The following STK32B variants were observed in gnomAD, a reference collection of about 807,000 sequenced individuals.
STK32B encodes serine/threonine-protein kinase 32B.
A neutral mutation model predicts 52.6 loss-of-function variants in STK32B; 43 were observed. That is an observed-to-expected ratio of 0.82 (90% CI 0.64 to 1.05). The LOEUF (loss-of-function observed/expected upper bound fraction) is 1.05. STK32B is among the 50% of genes least tolerant of loss of function. The probability of loss-of-function intolerance (pLI) is 0.00; values close to 1 mark genes in which losing one functional copy is unlikely to be tolerated. For missense variants in STK32B, 621 were observed against 534.6 expected (o/e 1.16, Z -1.59); for synonymous variants, 238 against 204.3 (o/e 1.17, Z -1.41).
intron 4 of STK32B, among the ~76,000 whole-genome samples, chr4:5,344,198 C>T (rs796927451): frequency 6.6e-6 from 1 of 152,268 alleles, no homozygotes; most frequent in Non-Finnish European, 1.5e-5. Flanking sequence ...CTATAAACAG[C>T]AACCATTTGT....
At chr4:5,032,627 T>A in the STK32B span, among the ~76,000 whole-genome samples, 1 of 152,178 alleles carries the variant, frequency 6.6e-6, no homozygotes, top group East Asian at 1.9e-4. Context: ...TGAAAAAAAA[T>A]TTTATTGTAG....
chr4:5,325,990 G>T (rs971014330), intron 3 of STK32B, among the ~76,000 whole-genome samples: 8 of 152,178 alleles, frequency 5.3e-5, no homozygotes, highest in African/African-American at 1.7e-4. Flanking sequence ...GAAGAATGTG[G>T]ATCTGCAGCA....
intron 3 of STK32B, among the ~76,000 whole-genome samples, chr4:5,306,969 A>G (rs987778913): frequency 6.6e-6 from 1 of 152,108 alleles, no homozygotes. Context: ...TAGGACCCCA[A>G]TCCCTTCTAG....
At chr4:5,107,491 T>C (rs1714170823) in intron 1 of STK32B, among the ~76,000 whole-genome samples, 2 of 152,150 alleles carry the variant, frequency 1.3e-5, no homozygotes, top group Admixed American at 1.3e-4. Flanking sequence ...AAGGGATTGA[T>C]CAGGGAGTTA....
At chr4:5,177,262 G>T (rs1424161205) in intron 3 of STK32B, among the ~76,000 whole-genome samples, 1 of 152,156 alleles carries the variant, frequency 6.6e-6, no homozygotes, top group African/African-American at 2.4e-5. Context: ...CTTCTTCACA[G>T]GGCAGCAGGA....
chr4:5,302,848 A>G (rs997417306), intron 3 of STK32B, among the ~76,000 whole-genome samples: 4 of 151,914 alleles, frequency 2.6e-5, no homozygotes, highest in East Asian at 1.9e-4. Flanking sequence ...GTGAGAACCT[A>G]TGAAGTTTGG....
At chr4:5,389,089 G>A (rs1324909610) in intron 4 of STK32B, among the ~76,000 whole-genome samples, 1 of 152,234 alleles carries the variant, frequency 6.6e-6, no homozygotes, top group Admixed American at 6.5e-5. Flanking sequence ...TTGAGTAGCA[G>A]CATGGGGTTT....
intron 5 of STK32B, among the ~76,000 whole-genome samples, chr4:5,413,841 C>T (rs1711920915): frequency 6.6e-6 from 1 of 152,198 alleles, no homozygotes; most frequent in Middle Eastern, 3.2e-3. Flanking sequence ...AACAAAACCA[C>T]TGATAACAAC....
At chr4:5,028,392 C>T in the STK32B span, among the ~76,000 whole-genome samples, 3 of 152,200 alleles carry the variant, frequency 2.0e-5, no homozygotes, top group African/African-American at 4.8e-5. Flanking sequence ...TTCTTTCTCT[C>T]CTGGTCCCAG....
rs1488851087 is a variant in STK32B, at chr4:5,378,606, T to A, written c.435-19601T>A. Among the ~76,000 whole-genome samples the A allele has an allele frequency of 6.6e-6, 1 of 152,158 alleles. No individual in the cohort carries two copies. Among genetic ancestry groups the A allele is most frequent in the Non-Finnish European group, 1.5e-5 (1 of 68,014 alleles). ...TCTCCACTGGTTTGGAAGCCCTTTT[T>A]TTCTAATTTTTATGGGTACATAGTA... On this transcript the variant is annotated intron_variant, in intron 4 of 11. Transcript: ENST00000282908. This position sits in a 1 kb window ranked among gnomAD's most constrained non-coding sequence, Gnocchi z 4.4.
chr4:5,242,702 T>G (rs1560252669), intron 3 of STK32B, among the ~76,000 whole-genome samples: 1 of 152,220 alleles, frequency 6.6e-6, no homozygotes, highest in Non-Finnish European at 1.5e-5. Flanking sequence ...AGGGTTTTTA[T>G]GGTTTTAGGT....
At chr4:5,372,669 G>A (rs1735325522) in intron 4 of STK32B, among the ~76,000 whole-genome samples, 1 of 147,318 alleles carries the variant, frequency 6.8e-6, no homozygotes. Flanking sequence ...TATCATTACA[G>A]TAATAACTGC....
intron 4 of STK32B, among the ~76,000 whole-genome samples, chr4:5,376,463 C>T (rs1278648990): frequency 6.6e-6 from 1 of 151,812 alleles, no homozygotes; most frequent in Non-Finnish European, 1.5e-5. Flanking sequence ...TTGGCCTAGG[C>T]GTCCACCTGC....
chr4:5,067,375 A>G (rs1742463900), intron 1 of STK32B, among the ~76,000 whole-genome samples: 1 of 152,052 alleles, frequency 6.6e-6, no homozygotes, highest in South Asian at 2.1e-4. Flanking sequence ...CCCCCACAAG[A>G]CCATAGACTC....
At chr4:5,193,647 C>T (rs1721411360) in intron 3 of STK32B, among the ~76,000 whole-genome samples, 1 of 152,224 alleles carries the variant, frequency 6.6e-6, no homozygotes, top group East Asian at 1.9e-4. Context: ...TGCAGAACAG[C>T]CCATAGCCTC....
intron 4 of STK32B, among the ~76,000 whole-genome samples, chr4:5,340,298 G>T (rs1291194385): frequency 6.6e-6 from 1 of 152,210 alleles, no homozygotes; most frequent in Non-Finnish European, 1.5e-5. Context: ...TGCCCAGCCA[G>T]CCTGAATTGG....
intron 3 of STK32B, among the ~76,000 whole-genome samples, chr4:5,201,075 G>A (rs1073326): frequency 0.67 from 101,891 of 152,122 alleles, 34,401 homozygotes; most frequent in East Asian, 0.8. Context: ...GCCCCACTCA[G>A]TAGTAAAACA....
chr4:5,433,025 A>G (rs994653288), intron 6 of STK32B, among the ~76,000 whole-genome samples: 2 of 152,020 alleles, frequency 1.3e-5, no homozygotes, highest in Non-Finnish European at 2.9e-5. Context: ...CACTTTCATA[A>G]CCCCTTTGTT....
At chr4:5,244,420 A>T (rs1354190279) in intron 3 of STK32B, among the ~76,000 whole-genome samples, 3 of 152,136 alleles carry the variant, frequency 2.0e-5, no homozygotes. Flanking sequence ...ATTGGTGGTG[A>T]TATGCCCATT....
Sources: allele counts gnomAD v4.1 joint callset (sites outside exome capture counted in the v4.1 genomes callset), GRCh38; gene constraint gnomAD v4.1.1; non-coding constraint Gnocchi (gnomAD v3.1); transcripts MANE v1.5; gene names NCBI Gene and HGNC (gene_info 2026-07-23, HGNC 2026-07-21).